Variants in ARHGAP35 observed in about 807,000 individuals in gnomAD.
ARHGAP35 encodes the protein Rho GTPase activating protein 35.
Under a neutral mutation model 111.1 loss-of-function variants are expected in ARHGAP35, and 15 were observed. The observed-to-expected ratio is 0.13, with a 90% CI of 0.09 to 0.21. ARHGAP35 has a LOEUF of 0.21. Among genes scored for constraint, ARHGAP35 ranks in the 10% least tolerant of loss-of-function variants. The probability of loss-of-function intolerance (pLI) is 1.00; values close to 1 mark genes in which losing one functional copy is unlikely to be tolerated. For synonymous variants in ARHGAP35, 643 were observed against 710.3 expected (o/e 0.91, Z 1.51); for missense variants, 1,262 against 1,873.0 (o/e 0.67, Z 6.02).
intron 1 of ARHGAP35, among the ~76,000 whole-genome samples, chr19:46,917,743 TTAC>T (rs2056172510): frequency 6.6e-6 from 1 of 152,116 alleles, no homozygotes; most frequent in South Asian, 2.1e-4. Flanking sequence ...TGAGATAGTC[TTAC>T]TCTGTTGCCC....
intron 3 of ARHGAP35, among the ~76,000 whole-genome samples, chr19:46,967,896 C>G (rs922681954): frequency 3.3e-5 from 5 of 151,464 alleles, no homozygotes; most frequent in Non-Finnish European, 4.4e-5. Flanking sequence ...GTCTGTCACG[C>G]CCGGAGTCCT....
chr19:46,962,634 T>A (rs1039097377), intron 3 of ARHGAP35, among the ~76,000 whole-genome samples: 3 of 152,066 alleles, frequency 2.0e-5, no homozygotes, highest in Non-Finnish European at 2.9e-5. Flanking sequence ...TGAAATGGAG[T>A]CTCGCTTTGT....
chr19:46,922,366 C>T lies in ARHGAP35; in HGVS notation c.3681+10C>T, dbSNP rs1477966154. On this transcript the variant is annotated intron_variant, in intron 2 of 6. Coordinates refer to ENST00000672722, the MANE Select transcript of ARHGAP35 (RefSeq NM_004491.5). The surrounding 1 kb of genome is among the most constrained non-coding windows in gnomAD (Gnocchi z 4.0). Reference sequence around the variant, plus strand: ...AAGGAGGAACACTAAGGTAAGACACCAGTCTAGGATTAGTCATAGTGTTTT... The same window carrying T: ...AAGGAGGAACACTAAGGTAAGACACTAGTCTAGGATTAGTCATAGTGTTTT... 6.4e-7 allele frequency: 1 copy of T among 1,572,338 alleles called. No individual in the cohort carries two copies. The highest frequency in any genetic ancestry group is 2.3e-5 in the East Asian group (1 of 44,392).
At position 46,994,796 on chromosome 19, in the gene ARHGAP35, A is replaced by G. The variant is rs2056698470; in HGVS notation, c.4037-4508A>G. On this transcript the variant is annotated intron_variant, in intron 5 of 6. Coordinates refer to ENST00000672722, the MANE Select transcript of ARHGAP35 (RefSeq NM_004491.5). This position sits in a 1 kb window ranked among gnomAD's most constrained non-coding sequence, Gnocchi z 5.4. ...CCCAGGCAGGAGCGGGTCCCCGTAA[A>G]TATCTGCTCCTCCCACCCACTGCGG... Among the ~76,000 whole-genome samples the G allele has an allele frequency of 6.6e-6, 1 of 152,172 alleles. No homozygotes were observed. Among genetic ancestry groups the G allele is most frequent in the Non-Finnish European group, 1.5e-5 (1 of 68,036 alleles).
chr19:46,941,462 G>A (rs2056346695), intron 3 of ARHGAP35, among the ~76,000 whole-genome samples: 1 of 151,904 alleles, frequency 6.6e-6, no homozygotes, highest in African/African-American at 2.4e-5. Flanking sequence ...CAGCTACCCT[G>A]GAGGCCGAGG....
At chr19:46,968,643 C>T (rs763087705) in intron 3 of ARHGAP35, among the ~76,000 whole-genome samples, 11 of 151,990 alleles carry the variant, frequency 7.2e-5, no homozygotes, top group South Asian at 2.1e-4. Flanking sequence ...ATTATTCGGC[C>T]GTAAAAAGGA....
intron 1 of ARHGAP35, among the ~76,000 whole-genome samples, chr19:46,899,734 AAAAG>A (rs924682072): frequency 1.3e-5 from 2 of 152,048 alleles, no homozygotes; most frequent in East Asian, 1.9e-4. Context: ...AACAAAAAAA[AAAAG>A]AAGAAGATTA....
intron 5 of ARHGAP35, among the ~76,000 whole-genome samples, chr19:46,996,568 G>A (rs965650484): frequency 3.3e-5 from 5 of 152,092 alleles, no homozygotes; most frequent in Non-Finnish European, 7.3e-5. Flanking sequence ...CCAGCCAGAG[G>A]ACGGGATGAG....
intron 3 of ARHGAP35, among the ~76,000 whole-genome samples, chr19:46,973,458 A>G (rs750436335): frequency 2.0e-5 from 3 of 152,200 alleles, no homozygotes; most frequent in Non-Finnish European, 4.4e-5. Context: ...TGGGAGGCCA[A>G]GGCGGGTGGA....
At position 46,945,436 on chromosome 19, in the gene ARHGAP35, T is replaced by C. The variant is rs955227846; in HGVS notation, c.3826+8028T>C. ...CTGGAATGGGGCAAGAGGTTACTTT[T>C]AGAGCTGGCTCACAATCCTCCTGAG... On this transcript the variant is annotated intron_variant, in intron 3 of 6. Transcript: ENST00000672722. This position sits in a 1 kb window ranked among gnomAD's most constrained non-coding sequence, Gnocchi z 4.1. 6.6e-6 allele frequency among the ~76,000 whole-genome samples: 1 copy of C among 152,160 alleles called. No homozygotes were observed. Among genetic ancestry groups the C allele is most frequent in the African/African-American group, 2.4e-5 (1 of 41,434 alleles).
intron 3 of ARHGAP35, among the ~76,000 whole-genome samples, chr19:46,961,658 G>T (rs911372526): frequency 1.3e-5 from 2 of 152,150 alleles, no homozygotes; most frequent in African/African-American, 4.8e-5. Flanking sequence ...GGCCAGGTGC[G>T]GTGGCTCATG....
At chr19:46,866,713 T>C (rs1185729271) in intron 1 of ARHGAP35, among the ~76,000 whole-genome samples, 3 of 152,228 alleles carry the variant, frequency 2.0e-5, no homozygotes, top group Admixed American at 1.3e-4. Context: ...GCTCTTTCCC[T>C]GGGAGATGCA....
intron 1 of ARHGAP35, among the ~76,000 whole-genome samples, chr19:46,892,341 G>A (rs1273452153): frequency 6.7e-6 from 1 of 149,734 alleles, no homozygotes; most frequent in African/African-American, 2.4e-5. Flanking sequence ...CAGGTGTGCT[G>A]GCACACACCT....
chr19:46,937,262 A>G lies in ARHGAP35; in HGVS notation c.3682-2A>G. On this transcript the variant is annotated splice_acceptor_variant, in intron 2 of 6. Coordinates refer to ENST00000672722, the MANE Select transcript of ARHGAP35 (RefSeq NM_004491.5). LOFTEE classifies it high-confidence loss of function. ...GTGCTTCCCTTTCTCTTTCCTGGACAGAAACCAAAGCCCAAACCCCGGCCA... is the reference window on the plus strand; with the variant it reads ...GTGCTTCCCTTTCTCTTTCCTGGACGGAAACCAAAGCCCAAACCCCGGCCA... 1 of 1,613,780 alleles carries G rather than the reference A, an allele frequency of 6.2e-7. No individual in the cohort carries two copies. Among genetic ancestry groups the G allele is most frequent in the Non-Finnish European group, 8.5e-7 (1 of 1,179,732 alleles).
chr19:46,937,237 G>A (rs1488303585), intron 2 of ARHGAP35, 27 bp from the exon 3 acceptor site: 1 of 1,612,262 alleles, frequency 6.2e-7, no homozygotes, highest in Admixed American at 1.7e-5. Flanking sequence ...CTTTGTTTTT[G>A]TGCTTCCCTT....
intron 1 of ARHGAP35, among the ~76,000 whole-genome samples, chr19:46,874,956 C>T (rs867163532): frequency 2.0e-4 from 31 of 151,404 alleles, no homozygotes; most frequent in African/African-American, 6.1e-4. Context: ...GGATTACAGG[C>T]GCCCACCACC....
chr19:46,899,003 A>T (rs1480965564), intron 1 of ARHGAP35, among the ~76,000 whole-genome samples: 1 of 152,202 alleles, frequency 6.6e-6, no homozygotes, highest in East Asian at 1.9e-4. Context: ...ACCAATCTCC[A>T]GCCTTTGAAA....
chr19:46,999,272 A>G lies in ARHGAP35; in HGVS notation c.4037-32A>G, dbSNP rs911058051. The stretch of plus-strand genomic sequence containing the variant: ...GGGGTGGCCACCAGCCTCGGCCATG[A>G]AAGGCAAGGCTTTGGTTTTCTCTCT... On this transcript the variant is annotated intron_variant, in intron 5 of 6. Transcript: ENST00000672722. The surrounding 1 kb of genome is among the most constrained non-coding windows in gnomAD (Gnocchi z 5.4). 5 of 1,523,366 alleles carry G rather than the reference A, an allele frequency of 3.3e-6. No homozygotes were observed. In the African/African-American group the frequency reaches 5.5e-5, roughly 17 times the overall value. 94.4% of individuals were successfully genotyped at this position (1,523,366 alleles called of 1,614,324 possible). A position where few individuals can be genotyped will look rare whatever the true frequency, so the allele number is the denominator to read the frequency against.
intron 1 of ARHGAP35, among the ~76,000 whole-genome samples, chr19:46,868,616 A>G (rs1397782962): frequency 6.6e-6 from 1 of 152,242 alleles, no homozygotes; most frequent in African/African-American, 2.4e-5. Flanking sequence ...ATTCAAACAC[A>G]GGTGTAACAA....
Sources: gnomAD v4.1 joint callset for allele counts (sites outside exome capture counted in the v4.1 genomes callset) on GRCh38, gnomAD v4.1.1 for gene constraint, Gnocchi (gnomAD v3.1) non-coding constraint, MANE v1.5 for transcripts, NCBI Gene and HGNC (gene_info 2026-07-23, HGNC 2026-07-21) for gene names.